Variants in CCDC3 observed in about 807,000 individuals in gnomAD.
The protein encoded by CCDC3 is coiled-coil domain containing 3, also known as coiled-coil domain-containing protein 3.
A neutral mutation model predicts 21.4 loss-of-function variants in CCDC3; 24 were observed. That is an observed-to-expected ratio of 1.12 (90% CI 0.81 to 1.58). The LOEUF is 1.58. Ranked by LOEUF, CCDC3 falls within the 40% of genes most tolerant of loss-of-function variation. The pLI is 0.00. For synonymous variants in CCDC3, 186 were observed against 166.0 expected (o/e 1.12, Z -0.93); for missense variants, 425 against 360.9 (o/e 1.18, Z -1.44).
intron 2 of CCDC3, among the ~76,000 whole-genome samples, chr10:12,989,848 G>A (rs1389327283): frequency 6.6e-6 from 1 of 152,082 alleles, no homozygotes; most frequent in Non-Finnish European, 1.5e-5. Flanking sequence ...AAGTTAAACT[G>A]CCAGCCTCAT....
intron 3 of CCDC3, among the ~76,000 whole-genome samples, chr10:13,092,094 G>A (rs146098123): frequency 9.2e-5 from 14 of 152,256 alleles, no homozygotes; most frequent in African/African-American, 2.2e-4. Flanking sequence ...TGGTGGAGGC[G>A]GGCACACTGT....
chr10:13,001,354 G>T lies in CCDC3; in HGVS notation c.217C>A (p.Leu73Ile), dbSNP rs763328623. The change falls in exon 1 of 3, where the codon CTC (leucine) becomes ATC (isoleucine). Residue 73 changes from leucine to isoleucine, a missense_variant. Leu to Ile is a conservative substitution (Grantham distance 5, BLOSUM62 2). Transcript: ENST00000378825. ...ATCTCGACCTCGGCCGAGTAGAAGA[G>T]GCCCCCCTGGCCGGCGTGGTACTGC... Reference protein sequence around the residue: ...PWQYHAGQGGLFYSAEVEMLC... With the variant: ...PWQYHAGQGGIFYSAEVEMLC... 6.3e-7 allele frequency: 1 copy of T among 1,598,792 alleles called. No individual in the cohort carries two copies. Among genetic ancestry groups the T allele is most frequent in the South Asian group, 1.1e-5 (1 of 87,840 alleles).
intron 5 of CCDC3, among the ~76,000 whole-genome samples, chr10:13,031,677 G>A (rs1270145870): frequency 6.6e-6 from 1 of 152,166 alleles, no homozygotes; most frequent in Non-Finnish European, 1.5e-5. Flanking sequence ...CAATCCCACA[G>A]AAATACAAAC....
At chr10:12,923,678 C>T (rs74361570) in intron 2 of CCDC3, among the ~76,000 whole-genome samples, 8,007 of 152,210 alleles carry the variant, frequency 0.053, 235 homozygotes, top group Non-Finnish European at 0.071. Flanking sequence ...CCTTTTTTCA[C>T]CTCCATGCAC....
At chr10:12,957,575 G>C (rs908876164) in intron 2 of CCDC3, among the ~76,000 whole-genome samples, 1 of 152,192 alleles carries the variant, frequency 6.6e-6, no homozygotes, top group Non-Finnish European at 1.5e-5. Context: ...TGGATCAGGG[G>C]AGTGGATTTT....
chr10:13,072,599 C>T (rs577463978), intron 4 of CCDC3, among the ~76,000 whole-genome samples: 2 of 152,050 alleles, frequency 1.3e-5, no homozygotes. Flanking sequence ...CTCTTCAGTT[C>T]CTGTGTGGTG....
chr10:13,096,451 C>T (rs1360077237), intron 3 of CCDC3, among the ~76,000 whole-genome samples: 2 of 152,122 alleles, frequency 1.3e-5, no homozygotes, highest in Non-Finnish European at 2.9e-5. Context: ...GGATTACAGG[C>T]GTGAGCCACC....
intron 5 of CCDC3, among the ~76,000 whole-genome samples, chr10:13,046,755 C>T (rs1836535729): frequency 6.6e-6 from 1 of 151,376 alleles, no homozygotes; most frequent in African/African-American, 2.4e-5. Context: ...AGAATGGAAG[C>T]AATTTTATCA....
intron 5 of CCDC3, among the ~76,000 whole-genome samples, chr10:13,021,156 C>T (rs945608721): frequency 2.6e-5 from 4 of 152,224 alleles, no homozygotes; most frequent in African/African-American, 7.2e-5. Context: ...ATGTTCTACT[C>T]GGCATTTGCA....
At chr10:13,063,020 C>T (rs1836776978) in intron 4 of CCDC3, among the ~76,000 whole-genome samples, 1 of 150,582 alleles carries the variant, frequency 6.6e-6, no homozygotes, top group Non-Finnish European at 1.5e-5. Context: ...CCGATTTCAT[C>T]TCTGACCAAT....
At chr10:12,935,383 C>T (rs1282392863) in intron 2 of CCDC3, among the ~76,000 whole-genome samples, 1 of 152,098 alleles carries the variant, frequency 6.6e-6, no homozygotes, top group African/African-American at 2.4e-5. Context: ...TATGCCAGGC[C>T]TTGTTTTTTG....
intron 3 of CCDC3, among the ~76,000 whole-genome samples, chr10:13,085,587 T>C (rs781277375): frequency 2.3e-4 from 35 of 152,222 alleles, no homozygotes; most frequent in Admixed American, 8.5e-4. Flanking sequence ...CTCCAACATT[T>C]TGTTTAATTC....
At chr10:12,948,058 G>T (rs118025709) in intron 2 of CCDC3, among the ~76,000 whole-genome samples, 6,024 of 152,246 alleles carry the variant, frequency 0.04, 155 homozygotes, top group Non-Finnish European at 0.061. Flanking sequence ...ATCTCACCTT[G>T]AATTGTAATA....
At chr10:13,097,372 C>A (rs1386648927) in intron 3 of CCDC3, among the ~76,000 whole-genome samples, 1 of 152,134 alleles carries the variant, frequency 6.6e-6, no homozygotes, top group Non-Finnish European at 1.5e-5. Flanking sequence ...AGACGTATTT[C>A]CTCTTTAATC....
At chr10:13,036,011 A>G (rs1255471950) in intron 5 of CCDC3, among the ~76,000 whole-genome samples, 1 of 152,060 alleles carries the variant, frequency 6.6e-6, no homozygotes, top group Non-Finnish European at 1.5e-5. Flanking sequence ...AGGTGTGGTG[A>G]TATGCACCTG....
At chr10:12,966,878 G>A (rs1357747547) in intron 2 of CCDC3, among the ~76,000 whole-genome samples, 2 of 152,154 alleles carry the variant, frequency 1.3e-5, no homozygotes, top group East Asian at 1.9e-4. Context: ...ACAGTTTCCC[G>A]TATCTTATCT....
intron 2 of CCDC3, 137 bp from the exon 3 acceptor site, chr10:12,898,816 C>A: frequency 9.8e-7 from 1 of 1,016,446 alleles, no homozygotes; most frequent in African/African-American, 1.6e-5. Flanking sequence ...GGCATAAACC[C>A]CAGGATGTCC....
chr10:12,993,950 C>A (rs1835717036), intron 2 of CCDC3, among the ~76,000 whole-genome samples: 2 of 152,198 alleles, frequency 1.3e-5, no homozygotes, highest in Non-Finnish European at 2.9e-5. Context: ...TCCCCCTCTT[C>A]CATCTCCTAC....
chr10:12,976,448 G>A (rs942099949), intron 2 of CCDC3, among the ~76,000 whole-genome samples: 1 of 152,196 alleles, frequency 6.6e-6, no homozygotes, highest in African/African-American at 2.4e-5. Flanking sequence ...GGTGGGGGCA[G>A]AGGGCTGAGG....
Sources: allele counts gnomAD v4.1 joint callset (sites outside exome capture counted in the v4.1 genomes callset), GRCh38; gene constraint gnomAD v4.1.1; transcripts MANE v1.5; gene names NCBI Gene and HGNC (gene_info 2026-07-23, HGNC 2026-07-21).